CEP128: variants seen among roughly 807,000 people sequenced by gnomAD.
CEP128 encodes the protein centrosomal protein 128.
A neutral mutation model predicts 156.7 loss-of-function variants in CEP128; 132 were observed. That is an observed-to-expected ratio of 0.84 (90% CI 0.73 to 0.97). The LOEUF (loss-of-function observed/expected upper bound fraction) is 0.97, where lower values mean the gene tolerates loss of function less well. Ranked by LOEUF, CEP128 falls within the 50% of genes least tolerant of loss-of-function variation. CEP128 has a pLI of 0.00. For missense variants in CEP128, 1,252 were observed against 1,281.9 expected (o/e 0.98, Z 0.36); for synonymous variants, 469 against 448.9 (o/e 1.04, Z -0.57).
chr14:80,584,721 T>A (rs1891742804), intron 19 of CEP128, among the ~76,000 whole-genome samples: 1 of 152,310 alleles, frequency 6.6e-6, no homozygotes, highest in South Asian at 2.1e-4. Flanking sequence ...ATAGTTAAAG[T>A]GACTTAATAC....
At chr14:80,641,833 T>C (rs1894421242) in intron 19 of CEP128, among the ~76,000 whole-genome samples, 1 of 151,950 alleles carries the variant, frequency 6.6e-6, no homozygotes, top group Non-Finnish European at 1.5e-5. Flanking sequence ...GACAAAATAT[T>C]ATACAAAGAG....
intron 18 of CEP128, among the ~76,000 whole-genome samples, chr14:80,750,925 A>G (rs1899357625): frequency 6.6e-6 from 1 of 152,190 alleles, no homozygotes; most frequent in Non-Finnish European, 1.5e-5. Context: ...AAATAAGGTC[A>G]TAAGAGTGGA....
chr14:80,945,922 T>C (rs941884367), upstream of CEP128, among the ~76,000 whole-genome samples: 1 of 152,230 alleles, frequency 6.6e-6, no homozygotes, highest in Non-Finnish European at 1.5e-5. Context: ...CCTGTACTTG[T>C]TTTCCACAAT....
rs368491694 is a variant in CEP128, at chr14:80,838,158, C to A, written c.924+46G>T. On this transcript the variant is annotated intron_variant, in intron 11 of 24. Transcript: ENST00000555265. ...AGACATTTAAATAGAGCTACTCAATCCTGATTTAATGTAAAAGTATATTAT... is the reference window on the plus strand; with the variant it reads ...AGACATTTAAATAGAGCTACTCAATACTGATTTAATGTAAAAGTATATTAT... The A allele has an allele frequency of 3.3e-5, 43 of 1,318,584 alleles. No homozygotes were observed. In the South Asian group the frequency reaches 4.6e-4, roughly 14 times the overall value. The allele number at this position is 1,318,584 out of a possible 1,614,324, so 81.7% of individuals were successfully genotyped here.
intron 19 of CEP128, 43 bp from the exon 20 acceptor site, chr14:80,580,466 A>AACGAATT: frequency 8.5e-7 from 1 of 1,181,058 alleles, no homozygotes; most frequent in Non-Finnish European, 1.3e-6. Context: ...ACAATGTAAA[A>AACGAATT]ACGAGTTGCC....
downstream of CEP128, among the ~76,000 whole-genome samples, chr14:80,488,104 A>T (rs1290233427): frequency 7.0e-6 from 1 of 143,038 alleles, no homozygotes; most frequent in Admixed American, 7.5e-5. Flanking sequence ...TTTTGAAAAG[A>T]TCAACAAAAT....
At chr14:80,938,911 G>C (rs1475214669) in intron 2 of CEP128, among the ~76,000 whole-genome samples, 2 of 152,136 alleles carry the variant, frequency 1.3e-5, no homozygotes, top group Admixed American at 6.5e-5. Context: ...TTCTATTAGA[G>C]GGCACTTATA....
chr14:80,831,609 T>TA (rs199583399), intron 12 of CEP128, among the ~76,000 whole-genome samples: 5,102 of 129,528 alleles, frequency 0.039, 107 homozygotes, highest in Middle Eastern at 0.094. Context: ...CTCCAAACAG[T>TA]AAAAAAAAAA....
chr14:80,526,707 T>C, intron 23 of CEP128, 162 bp downstream of exon 23: 2 of 476,690 alleles, frequency 4.2e-6, no homozygotes, highest in Non-Finnish European at 7.4e-6. Context: ...CTCTGGATTT[T>C]TATTCTCCAT....
At chr14:80,850,508 A>T (rs898360499) in intron 9 of CEP128, among the ~76,000 whole-genome samples, 2 of 152,208 alleles carry the variant, frequency 1.3e-5, no homozygotes, top group Admixed American at 6.5e-5. Flanking sequence ...TGAAAATCTA[A>T]ATTAAAAGAT....
intron 8 of CEP128, among the ~76,000 whole-genome samples, chr14:80,882,879 C>T (rs777541663): frequency 5.3e-5 from 8 of 151,678 alleles, no homozygotes; most frequent in Non-Finnish European, 1.0e-4. Flanking sequence ...ATAAAGAGTA[C>T]AAGGATGGTT....
chr14:80,665,238 T>C (rs188152246), intron 19 of CEP128, among the ~76,000 whole-genome samples: 1 of 152,234 alleles, frequency 6.6e-6, no homozygotes, highest in East Asian at 1.9e-4. Context: ...GGCCATAATT[T>C]AGAACAGATA....
At chr14:80,782,547 G>A (rs980957623) in intron 15 of CEP128, among the ~76,000 whole-genome samples, 1 of 152,006 alleles carries the variant, frequency 6.6e-6, no homozygotes, top group African/African-American at 2.4e-5. Flanking sequence ...GTGCACTACT[G>A]TCCTATTCTA....
chr14:80,920,535 A>G, intron 2 of CEP128, among the ~76,000 whole-genome samples: 1 of 152,210 alleles, frequency 6.6e-6, no homozygotes, highest in East Asian at 1.9e-4. Flanking sequence ...TTATAAAAGA[A>G]TGGTAAATAG....
At chr14:80,942,928 A>G (rs576459968), upstream of CEP128, among the ~76,000 whole-genome samples, 100 of 152,318 alleles carry the variant, frequency 6.6e-4, no homozygotes, top group Non-Finnish European at 1.1e-3. Context: ...ACTGAGACAT[A>G]AAACTATCTC....
At chr14:80,700,328 A>G (rs1278666486) in intron 19 of CEP128, among the ~76,000 whole-genome samples, 1 of 152,070 alleles carries the variant, frequency 6.6e-6, no homozygotes, top group Non-Finnish European at 1.5e-5. Flanking sequence ...GACTAAGCTG[A>G]TGATTAGCTG....
intron 13 of CEP128, among the ~76,000 whole-genome samples, chr14:80,801,050 G>A (rs1215909741): frequency 6.6e-6 from 1 of 152,166 alleles, no homozygotes; most frequent in Non-Finnish European, 1.5e-5. Flanking sequence ...ACCACTGGTG[G>A]CTGATTATGA....
chr14:80,530,025 G>T (rs1252179718), intron 22 of CEP128, among the ~76,000 whole-genome samples: 1 of 152,114 alleles, frequency 6.6e-6, no homozygotes, highest in Non-Finnish European at 1.5e-5. Flanking sequence ...GATCTAAACA[G>T]AACCTAAATA....
intron 8 of CEP128, among the ~76,000 whole-genome samples, chr14:80,876,060 G>A (rs776136214): frequency 7.2e-5 from 11 of 152,150 alleles, no homozygotes; most frequent in Non-Finnish European, 1.3e-4. Context: ...ATGAGCATAA[G>A]AGACAAAGGG....
Sources: allele counts gnomAD v4.1 joint callset (sites outside exome capture counted in the v4.1 genomes callset), GRCh38; gene constraint gnomAD v4.1.1; transcripts MANE v1.5; gene names NCBI Gene and HGNC (gene_info 2026-07-23, HGNC 2026-07-21).